PCDH10: variants seen among roughly 807,000 people sequenced by gnomAD.
PCDH10 encodes the protein protocadherin-10.
In PCDH10, 15 loss-of-function variants were observed where a neutral mutation model predicts 74.4. The ratio of observed to expected loss-of-function variants is 0.20; its 90% CI spans 0.13 to 0.31. PCDH10 has a LOEUF of 0.31. Among genes scored for constraint, PCDH10 ranks in the 10% least tolerant of loss-of-function variants. The pLI, the probability that PCDH10 is intolerant of heterozygous loss-of-function variation, is 1.00. For synonymous variants in PCDH10, 619 were observed against 589.8 expected (o/e 1.05, Z -0.72); for missense variants, 1,260 against 1,390.2 (o/e 0.91, Z 1.49).
rs1243870157 is a variant in PCDH10, at chr4:133,151,759, G to A, written c.1619G>A (p.Ser540Asn). 6.2e-7 allele frequency: 1 copy of A among 1,613,144 alleles called. No homozygotes were observed. Among genetic ancestry groups the A allele is most frequent in the Non-Finnish European group, 8.5e-7 (1 of 1,180,052 alleles). Residue 540 changes from serine to asparagine, a missense_variant, in exon 1 of 5, where the codon AGT becomes AAT. Around this residue, in one of 11 missense-constraint regions of PCDH10, gnomAD observed 587 missense variants for 616.9 expected, o/e 0.95. Transcript: ENST00000264360. Reference protein sequence around the residue: ...SFDYEQLKDFSFQVEARDAGS... With the variant: ...SFDYEQLKDFNFQVEARDAGS... ...GACTATGAGCAGCTGAAGGACTTCA[G>A]TTTTCAGGTGGAAGCCCGGGACGCT... is the stretch of plus-strand genomic sequence containing the variant.
chr4:133,152,219 C>T lies in PCDH10; in HGVS notation c.2079C>T (p.Gly693=), dbSNP rs1726729256. Residue 693 remains glycine (G), a synonymous_variant, in exon 1 of 5, where the codon GGC becomes GGT. Coordinates refer to ENST00000264360, the MANE Select transcript of PCDH10 (RefSeq NM_032961.3). ...CCCAGGGCGGGGGCGGGAGCGGAGG[C>T]GGAGGGTCAGGAGAGCACCAGCGCC... ...VEPQGGGGSG[G]GGSGEHQRPS... 6.3e-7 allele frequency: 1 copy of T among 1,592,354 alleles called. No individual in the cohort carries two copies. The highest frequency in any genetic ancestry group is 8.6e-7 in the Non-Finnish European group (1 of 1,168,744).
At chr4:133,155,516 G>C (rs969168381) in intron 3 of PCDH10, among the ~76,000 whole-genome samples, 1 of 152,192 alleles carries the variant, frequency 6.6e-6, no homozygotes, top group African/African-American at 2.4e-5. Flanking sequence ...TATTGAATGA[G>C]AAAAGTAATG....
chr4:133,157,704 T>A (rs1421928200), intron 3 of PCDH10, among the ~76,000 whole-genome samples: 1 of 152,198 alleles, frequency 6.6e-6, no homozygotes, highest in East Asian at 1.9e-4. Context: ...TGTTTAAACT[T>A]CCTTTTTCTT....
chr4:133,183,682 A>G (rs1384597636), intron 4 of PCDH10, among the ~76,000 whole-genome samples: 2 of 152,136 alleles, frequency 1.3e-5, no homozygotes, highest in East Asian at 3.9e-4. Flanking sequence ...ATAATGAAGT[A>G]AATTTATTCA....
rs746365225 is a variant in PCDH10, at chr4:133,152,292, C to A, written c.2152C>A (p.Leu718Ile). The change falls in exon 1 of 5, where the codon CTC (leucine) becomes ATC (isoleucine). Residue 718 changes from leucine to isoleucine, a missense_variant. Physicochemically the swap from Leu to Ile is conservative, Grantham distance 5 (BLOSUM62 2). Around this residue, in one of 11 missense-constraint regions of PCDH10, gnomAD observed 587 missense variants for 616.9 expected, o/e 0.95. Transcript: ENST00000264360. ...AACCTCGCTAGACCTCACCCTCATC[C>A]TCATCATCGCGTTGGGCTCGGTGTC... ...GETSLDLTLILIIALGSVSFI... is the reference protein window; with the variant it reads ...GETSLDLTLIIIIALGSVSFI... The A allele has an allele frequency of 3.7e-6, 6 of 1,614,174 alleles. No homozygotes were observed. In the East Asian group the frequency reaches 1.1e-4, roughly 30 times the overall value.
At chr4:133,195,851 T>C (rs1014100959), downstream of PCDH10, among the ~76,000 whole-genome samples, 1 of 152,042 alleles carries the variant, frequency 6.6e-6, no homozygotes, top group Non-Finnish European at 1.5e-5. Context: ...ATAAAATAGG[T>C]CACAATGTAA....
At chr4:133,170,552 G>T (rs10013885) in intron 4 of PCDH10, among the ~76,000 whole-genome samples, 1 of 151,948 alleles carries the variant, frequency 6.6e-6, no homozygotes, top group African/African-American at 2.4e-5. Flanking sequence ...TATATCTATC[G>T]AACAGACTTT....
At chr4:133,161,955 T>C (rs542847074) in intron 3 of PCDH10, among the ~76,000 whole-genome samples, 201 of 152,302 alleles carry the variant, frequency 1.3e-3, no homozygotes, top group African/African-American at 4.7e-3. Context: ...TGTAGTGCTA[T>C]ATATATCAGC....
chr4:133,162,965 T>G lies in PCDH10; in HGVS notation c.2798-12T>G, dbSNP rs1243573306. 6.3e-7 allele frequency: 1 copy of G among 1,598,108 alleles called. No individual in the cohort carries two copies. The highest frequency in any genetic ancestry group is 8.6e-7 in the Non-Finnish European group (1 of 1,168,588). ...GAAGACTACATCCGTAGTTTCTGTT[T>G]TCTGCTTACAGGTATGGATCTCTTC... On this transcript the variant is annotated splice_polypyrimidine_tract_variant and intron_variant, in intron 3 of 4. Coordinates refer to ENST00000264360, the MANE Select transcript of PCDH10 (RefSeq NM_032961.3).
chr4:133,196,735 C>T (rs185649128), downstream of PCDH10, among the ~76,000 whole-genome samples: 2 of 152,290 alleles, frequency 1.3e-5, no homozygotes, highest in Admixed American at 1.3e-4. Context: ...TTGGCCTATG[C>T]CCAGGAGTGA....
At chr4:133,201,590 C>T (rs577952390) in intron 2 of PCDH10, among the ~76,000 whole-genome samples, 1 of 152,164 alleles carries the variant, frequency 6.6e-6, no homozygotes, top group Non-Finnish European at 1.5e-5. Flanking sequence ...GGCGGGGTGG[C>T]TCACACCTGT....
At chr4:133,204,806 T>C (rs1727969785) in intron 2 of PCDH10, among the ~76,000 whole-genome samples, 1 of 152,198 alleles carries the variant, frequency 6.6e-6, no homozygotes, top group South Asian at 2.1e-4. Context: ...ATGGAGAATC[T>C]GCAACTGGAC....
At chr4:133,163,742 T>C (rs1727022760) in intron 4 of PCDH10, 1 of 333,318 alleles carries the variant, frequency 3.0e-6, no homozygotes, top group Non-Finnish European at 5.8e-6. Flanking sequence ...AGCAGATCCA[T>C]CCTACGTAAT....
chr4:133,175,538 C>T (rs985799752), intron 4 of PCDH10, among the ~76,000 whole-genome samples: 2 of 152,010 alleles, frequency 1.3e-5, no homozygotes, highest in Non-Finnish European at 2.9e-5. Context: ...AGATTATTAT[C>T]TTAATTTAAA....
chr4:133,155,851 A>G (rs2125860587), intron 3 of PCDH10, among the ~76,000 whole-genome samples: 1 of 152,338 alleles, frequency 6.6e-6, no homozygotes, highest in East Asian at 1.9e-4. Flanking sequence ...TATGTATGTT[A>G]AAATGAAAAT....
intron 2 of PCDH10, among the ~76,000 whole-genome samples, chr4:133,207,049 C>A (rs1728021063): frequency 6.6e-6 from 1 of 151,756 alleles, no homozygotes; most frequent in African/African-American, 2.4e-5. Flanking sequence ...TTTCCATATG[C>A]CACTATTTTA....
chr4:133,199,227 G>A (rs887281842), downstream of PCDH10, among the ~76,000 whole-genome samples: 2 of 151,158 alleles, frequency 1.3e-5, no homozygotes, highest in African/African-American at 4.9e-5. Flanking sequence ...GGTGGCGGTT[G>A]CAGTGAGCTG....
At chr4:133,185,836 A>G (rs1344149384) in intron 4 of PCDH10, among the ~76,000 whole-genome samples, 3 of 152,160 alleles carry the variant, frequency 2.0e-5, no homozygotes, top group Non-Finnish European at 4.4e-5. Context: ...TAAAGTATAA[A>G]GGGTATTTTC....
intron 4 of PCDH10, among the ~76,000 whole-genome samples, chr4:133,177,956 C>G (rs1029745881): frequency 1.3e-5 from 2 of 152,080 alleles, no homozygotes; most frequent in Non-Finnish European, 2.9e-5. Context: ...TAAGCACTAT[C>G]TGTGTGATTT....
Sources: gnomAD v4.1 joint callset for allele counts (sites outside exome capture counted in the v4.1 genomes callset) on GRCh38, gnomAD v4.1.1 for gene constraint, gnomAD v4.1.1 regional missense constraint, MANE v1.5 for transcripts, NCBI Gene and HGNC (gene_info 2026-07-23, HGNC 2026-07-21) for gene names.